COXFA4L2: variants seen among roughly 807,000 people sequenced by gnomAD.
COXFA4L2 encodes the protein cytochrome c oxidase hypoxia associated subunit FA4L2.
At chr12:57,236,939 AC>A in the COXFA4L2 span, 1 of 1,540,364 alleles carries the variant, frequency 6.5e-7, no homozygotes, top group South Asian at 1.1e-5. Flanking sequence ...GCGCTGAGGG[AC>A]CTGGGCACAA....
chr12:57,236,194 G>A, the COXFA4L2 span: 1 of 326,042 alleles, frequency 3.1e-6, no homozygotes, highest in Non-Finnish European at 5.6e-6. Context: ...TTTCACTTCC[G>A]GACCCTCTCC....
At chr12:57,237,070 G>C in the COXFA4L2 span, 1 of 1,614,182 alleles carries the variant, frequency 6.2e-7, no homozygotes, top group South Asian at 1.1e-5. Context: ...CGGGCCCCAA[G>C]ACTGGCTCCT....
At chr12:57,236,359 G>T in the COXFA4L2 span, 10 of 492,360 alleles carry the variant, frequency 2.0e-5, no homozygotes. Context: ...CAACCCGGCC[G>T]GGAGAGGCGC....
the COXFA4L2 span, chr12:57,237,328 G>A: frequency 1.4e-6 from 2 of 1,418,832 alleles, no homozygotes; most frequent in East Asian, 5.1e-5. Context: ...TCCTCCAGAT[G>A]TCTGCACCTG....
the COXFA4L2 span, chr12:57,235,501 A>T: frequency 6.5e-7 from 1 of 1,541,792 alleles, no homozygotes; most frequent in South Asian, 1.1e-5. Context: ...TGCGGGGAGG[A>T]GTGGAAGAAG....
At chr12:57,238,407 T>G in the COXFA4L2 span, among the ~76,000 whole-genome samples, 6 of 150,248 alleles carry the variant, frequency 4.0e-5, no homozygotes, top group Admixed American at 6.6e-5. The surrounding 1 kb of genome is among the most constrained non-coding windows in gnomAD (Gnocchi z 6.8). Context: ...GCGATGTGTG[T>G]GGGGGGGGCG....
At chr12:57,238,940 C>T in the COXFA4L2 span, among the ~76,000 whole-genome samples, 3 of 152,378 alleles carry the variant, frequency 2.0e-5, no homozygotes, top group Non-Finnish European at 4.4e-5. This position sits in a 1 kb window ranked among gnomAD's most constrained non-coding sequence, Gnocchi z 6.8. Context: ...GGCTCGTGGC[C>T]CATGGGGCCG....
At chr12:57,237,366 C>T in the COXFA4L2 span, 2 of 1,374,304 alleles carry the variant, frequency 1.5e-6, no homozygotes, top group Non-Finnish European at 1.9e-6. Context: ...ATTCTTGGGG[C>T]TTCTGGCATC....
At chr12:57,235,236 T>C in the COXFA4L2 span, 19 of 404,282 alleles carry the variant, frequency 4.7e-5, no homozygotes, top group Admixed American at 6.9e-4. Flanking sequence ...TAGGCCACGC[T>C]CAACACGTAG....
chr12:57,236,562 C>T, the COXFA4L2 span: 3 of 1,529,052 alleles, frequency 2.0e-6, no homozygotes, highest in Middle Eastern at 1.8e-4. Flanking sequence ...CTCACCCAGG[C>T]CCCCGTGAGC....
At chr12:57,235,419 T>G in the COXFA4L2 span, 1 of 872,298 alleles carries the variant, frequency 1.1e-6, no homozygotes, top group Non-Finnish European at 1.9e-6. Context: ...TGGAGCAGCC[T>G]CCCCTCTGCG....
At chr12:57,237,104 T>C in the COXFA4L2 span, 1 of 1,614,216 alleles carries the variant, frequency 6.2e-7, no homozygotes, top group Non-Finnish European at 8.5e-7. Flanking sequence ...TTTCCCAGTC[T>C]GGTCCTCTGC....
At chr12:57,239,317 G>A in the COXFA4L2 span, among the ~76,000 whole-genome samples, 4 of 152,246 alleles carry the variant, frequency 2.6e-5, no homozygotes, top group Non-Finnish European at 4.4e-5. The surrounding 1 kb of genome is among the most constrained non-coding windows in gnomAD (Gnocchi z 5.5). Context: ...CGTTCGGGCC[G>A]CTAAGTTGGT....
At chr12:57,240,540 G>T in the COXFA4L2 span, 24 of 260,782 alleles carry the variant, frequency 9.2e-5, no homozygotes, top group South Asian at 3.2e-3. Context: ...AAAGGAAGGA[G>T]TGGGGGCGGG....
At chr12:57,236,999 G>A in the COXFA4L2 span, 4 of 1,613,824 alleles carry the variant, frequency 2.5e-6, no homozygotes, top group Admixed American at 1.7e-5. Context: ...AGAGTTAGGA[G>A]TTAGAGGTTC....
the COXFA4L2 span, chr12:57,236,624 G>A: frequency 1.3e-6 from 2 of 1,585,052 alleles, no homozygotes; most frequent in South Asian, 2.3e-5. Context: ...GCGAGTCGCA[G>A]CAAGTAAAGC....
At chr12:57,236,234 C>T in the COXFA4L2 span, 2 of 345,650 alleles carry the variant, frequency 5.8e-6, no homozygotes, top group Non-Finnish European at 1.0e-5. Flanking sequence ...CCGCCCCACA[C>T]TGGTCCCCAA....
chr12:57,238,013 A>C, the COXFA4L2 span: 1 of 152,888 alleles, frequency 6.5e-6, no homozygotes, highest in South Asian at 2.1e-4. The surrounding 1 kb of genome is among the most constrained non-coding windows in gnomAD (Gnocchi z 6.8). Context: ...GGAGGCTCAC[A>C]GCCCCCGTCT....
chr12:57,235,895 G>C, the COXFA4L2 span: 1 of 1,298,880 alleles, frequency 7.7e-7, no homozygotes, highest in Non-Finnish European at 1.0e-6. Flanking sequence ...GCTCCACCCG[G>C]AGGCTCTGGC....
Sources: allele counts gnomAD v4.1 joint callset (sites outside exome capture counted in the v4.1 genomes callset), GRCh38; gene constraint gnomAD v4.1.1; non-coding constraint Gnocchi (gnomAD v3.1); transcripts MANE v1.5; gene names NCBI Gene and HGNC (gene_info 2026-07-23, HGNC 2026-07-21).